SLC25A13: variants seen among roughly 807,000 people sequenced by gnomAD.
SLC25A13 encodes the protein solute carrier family 25 member 13.
In SLC25A13, 70 loss-of-function variants were observed where a neutral mutation model predicts 85.5. The observed-to-expected ratio is 0.82, with a 90% CI of 0.68 to 1.00. SLC25A13 has a LOEUF of 1.00. Ranked by LOEUF, SLC25A13 falls within the 50% of genes least tolerant of loss-of-function variation. The probability of loss-of-function intolerance (pLI) is 0.00; values close to 1 mark genes in which losing one functional copy is unlikely to be tolerated. For synonymous variants in SLC25A13, 259 were observed against 288.7 expected, an observed-to-expected ratio of 0.90 and a Z score of 1.04; for missense variants, 765 against 819.8, an observed-to-expected ratio of 0.93 and a Z score of 0.82.
intron 5 of SLC25A13, among the ~76,000 whole-genome samples, chr7:96,205,566 T>C (rs1795427771): frequency 6.6e-6 from 1 of 152,146 alleles, no homozygotes; most frequent in African/African-American, 2.4e-5. Context: ...TCCATTCCAA[T>C]GAGGAAGAAG....
At chr7:96,238,965 C>G (rs1469572760) in intron 3 of SLC25A13, among the ~76,000 whole-genome samples, 3 of 145,882 alleles carry the variant, frequency 2.1e-5, no homozygotes, top group Non-Finnish European at 4.5e-5. Context: ...TATAGGAGAC[C>G]ATATACATAT....
At chr7:96,125,563 G>A (rs1198534813) in intron 15 of SLC25A13, among the ~76,000 whole-genome samples, 1 of 152,082 alleles carries the variant, frequency 6.6e-6, no homozygotes, top group Non-Finnish European at 1.5e-5. Context: ...AAAGTATCCA[G>A]TATTACAGAT....
chr7:96,236,797 A>T (rs1796760431), intron 3 of SLC25A13, among the ~76,000 whole-genome samples: 1 of 152,200 alleles, frequency 6.6e-6, no homozygotes, highest in East Asian at 1.9e-4. Context: ...AAATTTATTA[A>T]GCTTGTCTTG....
rs546248549 is a variant in SLC25A13, at chr7:96,194,442, C to CAAAAAAAAAAAAAAAAAAA, written c.469-1278_469-1260dup. On this transcript the variant is annotated intron_variant, in intron 5 of 17. Coordinates refer to ENST00000265631, the MANE Select transcript of SLC25A13 (RefSeq NM_014251.3). Reference sequence around the variant, plus strand: ...TGGGTGACAGAGTGAAACCTTGTCTCAAAAAAAAAAAAAAAAAAAAAAAAA... The same window carrying CAAAAAAAAAAAAAAAAAAA: ...TGGGTGACAGAGTGAAACCTTGTCTCAAAAAAAAAAAAAAAAAAAAAAAAAAAAAAAAAAAAAAAAAAAA... Among the ~76,000 whole-genome samples, 6 of 27,694 alleles carry CAAAAAAAAAAAAAAAAAAA rather than the reference C, an allele frequency of 2.2e-4. 1 individual carries two copies. The highest frequency in any genetic ancestry group is 3.2e-4 in the African/African-American group (3 of 9,252). 18.2% of individuals were successfully genotyped at this position (27,694 alleles called of 152,430 possible).
intron 1 of SLC25A13, among the ~76,000 whole-genome samples, chr7:96,317,452 T>C (rs1236733184): frequency 6.6e-6 from 1 of 152,090 alleles, no homozygotes; most frequent in Non-Finnish European, 1.5e-5. Flanking sequence ...ATTTGGTATC[T>C]AGTAAGCGCT....
At chr7:96,257,926 T>G (rs1371268338) in intron 3 of SLC25A13, among the ~76,000 whole-genome samples, 1 of 152,184 alleles carries the variant, frequency 6.6e-6, no homozygotes, top group Non-Finnish European at 1.5e-5. Flanking sequence ...TGATAATCAA[T>G]AAACGTAATT....
intron 3 of SLC25A13, among the ~76,000 whole-genome samples, chr7:96,254,893 T>C (rs1203688718): frequency 6.6e-6 from 1 of 152,190 alleles, no homozygotes; most frequent in Admixed American, 6.5e-5. Flanking sequence ...CAGACTTCCC[T>C]GAGCATACCT....
intron 3 of SLC25A13, among the ~76,000 whole-genome samples, chr7:96,255,497 G>A (rs1797599953): frequency 6.6e-6 from 1 of 152,142 alleles, no homozygotes; most frequent in South Asian, 2.1e-4. Flanking sequence ...ACCAGCCTGG[G>A]AAACACAGGG....
At chr7:96,174,168 C>T (rs1053344188) in intron 11 of SLC25A13, among the ~76,000 whole-genome samples, 10 of 152,224 alleles carry the variant, frequency 6.6e-5, no homozygotes, top group Admixed American at 2.0e-4. Flanking sequence ...TGAGGCCAGC[C>T]TCCAGTGCAG....
intron 9 of SLC25A13, among the ~76,000 whole-genome samples, chr7:96,186,112 A>G (rs1290474092): frequency 6.6e-6 from 1 of 151,980 alleles, no homozygotes; most frequent in East Asian, 1.9e-4. Flanking sequence ...ATACACCCAA[A>G]CCCTTAAAAT....
At chr7:96,223,112 G>A (rs1486507232) in intron 4 of SLC25A13, among the ~76,000 whole-genome samples, 3 of 151,318 alleles carry the variant, frequency 2.0e-5, no homozygotes, top group African/African-American at 4.9e-5. Flanking sequence ...TCATTTAGAC[G>A]AAATATTACA....
intron 3 of SLC25A13, among the ~76,000 whole-genome samples, chr7:96,251,953 G>C (rs1298092786): frequency 6.6e-6 from 1 of 152,194 alleles, no homozygotes; most frequent in East Asian, 1.9e-4. Flanking sequence ...ACCCTGGTCA[G>C]AGAGCCTCAA....
At chr7:96,275,961 A>G (rs1293807635) in intron 3 of SLC25A13, among the ~76,000 whole-genome samples, 1 of 152,222 alleles carries the variant, frequency 6.6e-6, no homozygotes, top group Non-Finnish European at 1.5e-5. Context: ...CGAAGTACAT[A>G]AAGACATTAT....
intron 1 of SLC25A13, among the ~76,000 whole-genome samples, chr7:96,302,674 G>A (rs1226011176): frequency 1.3e-5 from 2 of 152,154 alleles, no homozygotes; most frequent in Non-Finnish European, 2.9e-5. Context: ...CTCTGGAAGT[G>A]CTGAATATAG....
chr7:96,165,019 G>C (rs1268281341), intron 13 of SLC25A13, among the ~76,000 whole-genome samples: 1 of 152,106 alleles, frequency 6.6e-6, no homozygotes, highest in African/African-American at 2.4e-5. Context: ...GATCACTTTT[G>C]AGTGATTTTA....
chr7:96,157,585 C>T (rs557454478), intron 13 of SLC25A13, among the ~76,000 whole-genome samples: 3 of 152,252 alleles, frequency 2.0e-5, no homozygotes, highest in African/African-American at 7.2e-5. Context: ...AAGTGGATCA[C>T]TTGAGGTCAG....
rs1791533521 is a variant in SLC25A13, at chr7:96,122,008, GAC to G, written c.1592-13_1592-12del. The G allele has an allele frequency of 6.2e-6, 10 of 1,614,110 alleles. No individual in the cohort carries two copies. Among genetic ancestry groups the G allele is most frequent in the South Asian group, 1.1e-5 (1 of 91,072 alleles). Reference sequence around the variant, plus strand: ...ATGCTGCAGGCATACCTGCAGGAGAGACACAACACCATCTCAGTCTGGTCACA... The same window carrying G: ...ATGCTGCAGGCATACCTGCAGGAGAGACAACACCATCTCAGTCTGGTCACA... On this transcript the variant is annotated splice_polypyrimidine_tract_variant and intron_variant, in intron 15 of 17. Coordinates refer to ENST00000265631, the MANE Select transcript of SLC25A13 (RefSeq NM_014251.3).
chr7:96,276,014 C>A (rs1366929304), intron 3 of SLC25A13, among the ~76,000 whole-genome samples: 2 of 152,136 alleles, frequency 1.3e-5, no homozygotes, highest in Admixed American at 1.3e-4. Context: ...GAAAATCAGA[C>A]ACATGAAGAT....
chr7:96,192,381 G>A (rs1794888848), intron 6 of SLC25A13, among the ~76,000 whole-genome samples: 1 of 152,136 alleles, frequency 6.6e-6, no homozygotes, highest in Non-Finnish European at 1.5e-5. Flanking sequence ...GCCTATAGAT[G>A]GTGTATGATA....
Sources: gnomAD v4.1 joint callset for allele counts (sites outside exome capture counted in the v4.1 genomes callset) on GRCh38, gnomAD v4.1.1 for gene constraint, MANE v1.5 for transcripts, NCBI Gene and HGNC (gene_info 2026-07-23, HGNC 2026-07-21) for gene names.